PLCG2: variants seen among roughly 807,000 people sequenced by gnomAD.
PLCG2 encodes phospholipase C gamma 2, also known as 1-phosphatidylinositol 4,5-bisphosphate phosphodiesterase gamma-2.
In PLCG2, 69 loss-of-function variants were observed where a neutral mutation model predicts 175.6. The ratio of observed to expected loss-of-function variants is 0.39; its 90% CI spans 0.32 to 0.48. The LOEUF (loss-of-function observed/expected upper bound fraction) is 0.48. PLCG2 is among the 20% of genes least tolerant of loss of function. PLCG2 has a pLI of 0.91. For missense variants in PLCG2, 1,798 were observed against 1,650.9 expected, an observed-to-expected ratio of 1.09 and a Z score of -1.54; for synonymous variants, 827 against 624.0, an observed-to-expected ratio of 1.33 and a Z score of -4.85.
intron 2 of PLCG2, among the ~76,000 whole-genome samples, chr16:81,813,879 T>G (rs2143304970): frequency 6.6e-6 from 1 of 152,298 alleles, no homozygotes; most frequent in African/African-American, 2.4e-5. Context: ...AAGCTTTTGC[T>G]GTGTTAAAAG....
chr16:81,947,504 G>A lies in PLCG2; in HGVS notation c.3570+1241G>A, dbSNP rs72824944. On this transcript the variant is annotated intron_variant, in intron 31 of 32. Transcript: ENST00000564138. Reference sequence around the variant, plus strand: ...CCTGGGCTTTCTCCTTAATGCCCACGGTCATACCTTTTATTTATCACCATA... The same window carrying A: ...CCTGGGCTTTCTCCTTAATGCCCACAGTCATACCTTTTATTTATCACCATA... 9.5e-3 allele frequency among the ~76,000 whole-genome samples: 1,439 copies of A among 152,200 alleles called. 12 individuals carry two copies. Among genetic ancestry groups the A allele is most frequent in the Middle Eastern group, 0.027 (8 of 294 alleles).
At chr16:81,750,127 G>T (rs760248691) in intron 1 of PLCG2, among the ~76,000 whole-genome samples, 34 of 152,124 alleles carry the variant, frequency 2.2e-4, no homozygotes, top group Non-Finnish European at 4.1e-4. Context: ...CAGCAATTTG[G>T]CTGGGTGTGG....
At chr16:81,769,892 T>A (rs11150408) in intron 2 of PLCG2, among the ~76,000 whole-genome samples, 1 of 150,236 alleles carries the variant, frequency 6.7e-6, no homozygotes, top group Non-Finnish European at 1.5e-5. Flanking sequence ...ACCACTGGTG[T>A]TTCACACCTG....
chr16:81,795,093 G>A (rs977318654), intron 2 of PLCG2, among the ~76,000 whole-genome samples: 1 of 152,248 alleles, frequency 6.6e-6, no homozygotes, highest in Non-Finnish European at 1.5e-5. Flanking sequence ...CCTGATGTGT[G>A]TTGGGCAATG....
chr16:81,928,125 G>T (rs772866056), intron 23 of PLCG2, among the ~76,000 whole-genome samples: 24 of 152,250 alleles, frequency 1.6e-4, no homozygotes, highest in East Asian at 5.8e-4. Flanking sequence ...TGGGGGCTCT[G>T]AAAGTCTTAA....
At chr16:81,817,442 C>A (rs535917412) in intron 2 of PLCG2, among the ~76,000 whole-genome samples, 1 of 152,184 alleles carries the variant, frequency 6.6e-6, no homozygotes, top group East Asian at 1.9e-4. Context: ...TTGTTGCGCA[C>A]GCTGGAGTGC....
intron 2 of PLCG2, among the ~76,000 whole-genome samples, chr16:81,814,280 G>C (rs74809327): frequency 6.6e-6 from 1 of 152,178 alleles, no homozygotes; most frequent in Non-Finnish European, 1.5e-5. Flanking sequence ...CTTCTCAGGG[G>C]ACCTGCCTGT....
At chr16:81,750,663 A>ACTTTTTTTTT (rs1909790753) in intron 1 of PLCG2, among the ~76,000 whole-genome samples, 1 of 68,446 alleles carries the variant, frequency 1.5e-5, no homozygotes, top group Admixed American at 2.7e-4. Context: ...GGGACTGGAG[A>ACTTTTTTTTT]TTTTTTTTTT....
chr16:81,950,932 T>A (rs1215184596), intron 31 of PLCG2, among the ~76,000 whole-genome samples: 2 of 152,136 alleles, frequency 1.3e-5, no homozygotes, highest in Non-Finnish European at 2.9e-5. Context: ...ACCAACTGAA[T>A]AAAACACAAA....
At chr16:81,851,507 TTTG>T (rs898563784) in intron 2 of PLCG2, among the ~76,000 whole-genome samples, 34 of 151,940 alleles carry the variant, frequency 2.2e-4, no homozygotes, top group Middle Eastern at 6.8e-3. Context: ...ACATGGCCTT[TTTG>T]TTGTTGTTGT....
At chr16:81,927,394 G>A (rs1344427677) in intron 23 of PLCG2, among the ~76,000 whole-genome samples, 1 of 152,226 alleles carries the variant, frequency 6.6e-6, no homozygotes, top group Non-Finnish European at 1.5e-5. Context: ...TAATCAGGTT[G>A]TGTTGGGCTT....
At chr16:81,949,044 G>C (rs746993784) in intron 31 of PLCG2, among the ~76,000 whole-genome samples, 32 of 152,178 alleles carry the variant, frequency 2.1e-4, no homozygotes, top group Non-Finnish European at 4.0e-4. Context: ...AAAAAATTCA[G>C]TATATAAAGA....
chr16:81,844,896 C>T (rs1039435193), intron 2 of PLCG2, among the ~76,000 whole-genome samples: 2 of 152,206 alleles, frequency 1.3e-5, no homozygotes, highest in Middle Eastern at 3.2e-3. Flanking sequence ...GGATCTGCCT[C>T]CTTAATGTTC....
chr16:81,822,005 T>A (rs1904821101), intron 2 of PLCG2, among the ~76,000 whole-genome samples: 1 of 152,186 alleles, frequency 6.6e-6, no homozygotes, highest in Non-Finnish European at 1.5e-5. Flanking sequence ...TTTCCTGTGT[T>A]AACTAGGGAA....
At chr16:81,754,801 A>G (rs1359187009) in intron 1 of PLCG2, among the ~76,000 whole-genome samples, 1 of 152,138 alleles carries the variant, frequency 6.6e-6, no homozygotes, top group Non-Finnish European at 1.5e-5. Context: ...TGAAGATTGA[A>G]TGGAATAATG....
At chr16:81,806,863 G>C (rs1904283569) in intron 2 of PLCG2, among the ~76,000 whole-genome samples, 1 of 151,898 alleles carries the variant, frequency 6.6e-6, no homozygotes, top group Non-Finnish European at 1.5e-5. Flanking sequence ...GGGATAGCCA[G>C]CCAAGCAGGG....
intron 2 of PLCG2, among the ~76,000 whole-genome samples, chr16:81,841,970 C>CTAGTA (rs2143428312): frequency 6.6e-6 from 1 of 152,352 alleles, no homozygotes; most frequent in East Asian, 1.9e-4. Context: ...ACCATTCAGC[C>CTAGTA]TAGTAGCTAA....
intron 2 of PLCG2, among the ~76,000 whole-genome samples, chr16:81,805,710 G>A (rs1245607818): frequency 6.7e-6 from 1 of 149,140 alleles, no homozygotes; most frequent in Non-Finnish European, 1.5e-5. Context: ...CCACTGCTGT[G>A]CAATGGAAAT....
upstream of PLCG2, among the ~76,000 whole-genome samples, chr16:81,778,032 C>CACAA (rs1910498575): frequency 4.8e-4 from 28 of 58,710 alleles, no homozygotes; most frequent in Middle Eastern, 0.013. Flanking sequence ...AAAAAAAAAA[C>CACAA]AAAAAAAAAA....
Sources: allele counts gnomAD v4.1 joint callset (sites outside exome capture counted in the v4.1 genomes callset), GRCh38; gene constraint gnomAD v4.1.1; transcripts MANE v1.5; gene names NCBI Gene and HGNC (gene_info 2026-07-23, HGNC 2026-07-21).